The following MAGI2 variants were observed in gnomAD, a reference collection of about 807,000 sequenced individuals.
MAGI2 encodes the protein membrane associated guanylate kinase, WW and PDZ domain containing 2.
MAGI2 carries 35 observed loss-of-function variants against 133.3 expected under a neutral mutation model. That is an observed-to-expected ratio of 0.26 (90% CI 0.20 to 0.35). MAGI2 has a LOEUF of 0.35. Ranked by LOEUF, MAGI2 falls within the 10% of genes least tolerant of loss-of-function variation. MAGI2 has a pLI of 1.00. For missense variants in MAGI2, 1,636 were observed against 1,863.4 expected, an observed-to-expected ratio of 0.88 and a Z score of 2.25; for synonymous variants, 729 against 710.6, an observed-to-expected ratio of 1.03 and a Z score of -0.41.
At chr7:78,140,994 A>T (rs998532364) in intron 16 of MAGI2, among the ~76,000 whole-genome samples, 1 of 152,186 alleles carries the variant, frequency 6.6e-6, no homozygotes, top group East Asian at 1.9e-4. Context: ...CCAGGTGTAG[A>T]CTGAGAGAAT....
chr7:79,094,300 A>C (rs1055770545), intron 1 of MAGI2, among the ~76,000 whole-genome samples: 1 of 152,194 alleles, frequency 6.6e-6, no homozygotes, highest in Non-Finnish European at 1.5e-5. Context: ...CCTTCATTGA[A>C]GTTTTATCAT....
intron 2 of MAGI2, among the ~76,000 whole-genome samples, chr7:78,962,840 T>TCC (rs1802964529): frequency 6.6e-6 from 1 of 151,430 alleles, no homozygotes; most frequent in African/African-American, 2.4e-5. Flanking sequence ...CAAATTAAAC[T>TCC]CTTTTAAGTG....
At chr7:78,561,194 G>A (rs1047014924) in intron 3 of MAGI2, among the ~76,000 whole-genome samples, 2 of 152,186 alleles carry the variant, frequency 1.3e-5, no homozygotes, top group South Asian at 2.1e-4. Flanking sequence ...AGAGCTGGAG[G>A]TCTCTGTGAA....
At chr7:78,866,782 A>G (rs1794595008) in intron 2 of MAGI2, among the ~76,000 whole-genome samples, 1 of 152,132 alleles carries the variant, frequency 6.6e-6, no homozygotes, top group African/African-American at 2.4e-5. Flanking sequence ...ATGGACAGAA[A>G]GGGGGACAGA....
intron 6 of MAGI2, among the ~76,000 whole-genome samples, chr7:78,404,757 G>A (rs1797222853): frequency 6.6e-6 from 1 of 152,018 alleles, no homozygotes; most frequent in Non-Finnish European, 1.5e-5. Context: ...ACACAGGCAC[G>A]GGCAAGGACT....
intron 2 of MAGI2, among the ~76,000 whole-genome samples, chr7:78,848,536 G>C (rs532715307): frequency 6.6e-6 from 1 of 151,916 alleles, no homozygotes; most frequent in African/African-American, 2.4e-5. Flanking sequence ...ACTCAACCCT[G>C]CACTTAGAAT....
intron 3 of MAGI2, among the ~76,000 whole-genome samples, chr7:78,557,743 G>A (rs1799976390): frequency 6.6e-6 from 1 of 152,160 alleles, no homozygotes; most frequent in African/African-American, 2.4e-5. Context: ...GGAACAAGCA[G>A]TAATAAAGGT....
chr7:78,941,600 T>C (rs1484407849), intron 2 of MAGI2, among the ~76,000 whole-genome samples: 1 of 152,074 alleles, frequency 6.6e-6, no homozygotes, highest in Non-Finnish European at 1.5e-5. Context: ...CCTCTCAAAG[T>C]GCTGGGATTA....
intron 6 of MAGI2, among the ~76,000 whole-genome samples, chr7:78,440,634 A>G (rs2151456663): frequency 6.6e-6 from 1 of 152,256 alleles, no homozygotes; most frequent in South Asian, 2.1e-4. Flanking sequence ...GGGGAGAAAG[A>G]TGAATTTGAC....
At chr7:78,537,170 TACACACACACACACACAC>T (rs3086437) in intron 3 of MAGI2, among the ~76,000 whole-genome samples, 4 of 146,202 alleles carry the variant, frequency 2.7e-5, no homozygotes, top group Admixed American at 6.8e-5. Flanking sequence ...AGTATTCCAC[TACACACACACACACACAC>T]ACACACACAC....
intron 1 of MAGI2, among the ~76,000 whole-genome samples, chr7:79,246,639 A>G (rs933099101): frequency 1.3e-5 from 2 of 152,138 alleles, no homozygotes; most frequent in Admixed American, 6.5e-5. Context: ...AAAAGAATGA[A>G]GTATGACTAT....
rs141117651 is a variant in MAGI2, at chr7:78,303,258, A to G, written c.1408+40520T>C. 2.6e-5 allele frequency among the ~76,000 whole-genome samples: 4 copies of G among 151,988 alleles called. No individual in the cohort carries two copies. The East Asian group carries it at 7.8e-4, about 29-fold the overall frequency. ...GCCAGGCATGGTGGCAGGCATCTGT[A>G]ATCCCAGCTACTCAGGAAGTTGAGA... is the stretch of plus-strand genomic sequence containing the variant. On this transcript the variant is annotated intron_variant, in intron 9 of 21. Coordinates refer to ENST00000354212, the MANE Select transcript of MAGI2 (RefSeq NM_012301.4).
rs1181593430 is a variant in MAGI2 at position 79,321,500 on chromosome 7, T to C, written c.301+131520A>G. On this transcript the variant is annotated intron_variant, in intron 1 of 21. Coordinates refer to ENST00000354212, the MANE Select transcript of MAGI2 (RefSeq NM_012301.4). ...CATTCTCACAGAACACGTTGGAAAG[T>C]AGTGTCTACTGACAAAAGATAAAAT... is the stretch of plus-strand genomic sequence containing the variant. 2.0e-5 allele frequency among the ~76,000 whole-genome samples: 3 copies of C among 152,160 alleles called. No individual in the cohort carries two copies. In the East Asian group the frequency reaches 5.8e-4, roughly 29 times the overall value.
chr7:78,963,803 C>T (rs1029162764), intron 2 of MAGI2, among the ~76,000 whole-genome samples: 2 of 151,996 alleles, frequency 1.3e-5, no homozygotes, highest in East Asian at 3.9e-4. Context: ...AACTAGGAGA[C>T]CTAATTTCTG....
intron 3 of MAGI2, among the ~76,000 whole-genome samples, chr7:78,609,614 AG>A (rs1806222525): frequency 6.6e-6 from 1 of 152,170 alleles, no homozygotes; most frequent in African/African-American, 2.4e-5. Flanking sequence ...ACCTGGTCAT[AG>A]CTGTTATTGA....
intron 2 of MAGI2, among the ~76,000 whole-genome samples, chr7:78,708,357 A>C (rs1014367175): frequency 3.3e-5 from 5 of 152,202 alleles, no homozygotes; most frequent in African/African-American, 1.2e-4. Flanking sequence ...CTATAGGTTT[A>C]GGTTGCCAAT....
rs138330548 is a variant in MAGI2 at position 79,355,227 on chromosome 7, A to G, written c.301+97793T>C. On this transcript the variant is annotated intron_variant, in intron 1 of 21. Transcript: ENST00000354212. ...TCTGTCCTCTGGTTCCCCAGGCAGC[A>G]TAAAAGAAGACATATTCTTCCCCTG... 4.5e-4 allele frequency among the ~76,000 whole-genome samples: 69 copies of G among 152,338 alleles called. No homozygotes were observed. In the East Asian group the frequency reaches 0.013, roughly 28 times the overall value.
intron 1 of MAGI2, among the ~76,000 whole-genome samples, chr7:79,083,476 T>C (rs960513752): frequency 5.3e-5 from 8 of 151,676 alleles, no homozygotes; most frequent in African/African-American, 1.9e-4. Context: ...GGGCATTCCA[T>C]GGATTTGATT....
At chr7:78,566,670 T>C (rs896539866) in intron 3 of MAGI2, among the ~76,000 whole-genome samples, 11 of 152,156 alleles carry the variant, frequency 7.2e-5, no homozygotes, top group Non-Finnish European at 1.3e-4. Flanking sequence ...TATAATACCA[T>C]GAATACTTTC....
Sources: allele counts gnomAD v4.1 joint callset (sites outside exome capture counted in the v4.1 genomes callset), GRCh38; gene constraint gnomAD v4.1.1; transcripts MANE v1.5; gene names NCBI Gene and HGNC (gene_info 2026-07-23, HGNC 2026-07-21).